Variants in KLF17 observed in about 807,000 individuals in gnomAD.
The protein encoded by KLF17 is KLF transcription factor 17.
Under a neutral mutation model 34.2 loss-of-function variants are expected in KLF17, and 31 were observed. The observed-to-expected ratio is 0.91, with a 90% CI of 0.68 to 1.22. The LOEUF (loss-of-function observed/expected upper bound fraction) is 1.22. Ranked by LOEUF, KLF17 falls within the 50% of genes most tolerant of loss-of-function variation. The probability of loss-of-function intolerance (pLI) is 0.00; values close to 1 mark genes in which losing one functional copy is unlikely to be tolerated. For missense variants in KLF17, 478 were observed against 505.2 expected, an observed-to-expected ratio of 0.95 and a Z score of 0.52; for synonymous variants, 179 against 186.7, an observed-to-expected ratio of 0.96 and a Z score of 0.34.
the KLF17 span, among the ~76,000 whole-genome samples, chr1:44,086,527 A>G: frequency 1.3e-5 from 2 of 152,232 alleles, no homozygotes; most frequent in Admixed American, 6.5e-5. Flanking sequence ...AAAGCAGAGA[A>G]ACAGTACAAT....
the KLF17 span, among the ~76,000 whole-genome samples, chr1:44,080,377 T>A: frequency 6.6e-6 from 1 of 151,826 alleles, no homozygotes; most frequent in African/African-American, 2.4e-5. Context: ...TAGCTGGGAC[T>A]GCAGGCGCCC....
rs779440513 is a variant in KLF17, at chr1:44,130,160, C to T, written c.889C>T (p.Arg297Cys). 25 of 1,613,620 alleles carry T rather than the reference C, an allele frequency of 1.5e-5. No homozygotes were observed. The highest frequency in any genetic ancestry group is 3.3e-5 in the South Asian group (3 of 91,066). ...GAACTGCGGAAAAGCTTATACCAAA[C>T]GCTCCCACCTCGTGAGCCACCAGCG... ...YENCGKAYTK[R>C]SHLVSHQRKH... Residue 297 changes from arginine (R) to cysteine (C), a missense_variant, in exon 2 of 4, where the codon CGC becomes TGC. Physicochemically the swap from Arg to Cys is radical, Grantham distance 180. Coordinates refer to ENST00000372299, the MANE Select transcript of KLF17 (RefSeq NM_173484.4).
chr1:44,073,735 C>G, the KLF17 span, among the ~76,000 whole-genome samples: 1 of 152,224 alleles, frequency 6.6e-6, no homozygotes, highest in East Asian at 1.9e-4. Context: ...CTTCCTAAGG[C>G]ACCTGCCTGG....
In KLF17 at chr1:44,134,632, G is replaced by T. The variant is rs372576254; in HGVS notation, c.*1395G>T. 2.6e-5 allele frequency: 4 copies of T among 152,214 alleles called. No homozygotes were observed. Among genetic ancestry groups the T allele is most frequent in the African/African-American group, 9.7e-5 (4 of 41,434 alleles). The allele number at this position is 152,214 out of a possible 1,614,324, so 9.4% of individuals were successfully genotyped here. ...CTTGAGAAATTTACTTGTCACTCTTGCTTCTGATAGTAAAGGGGATGGTGC... is the reference window on the plus strand; with the variant it reads ...CTTGAGAAATTTACTTGTCACTCTTTCTTCTGATAGTAAAGGGGATGGTGC... On this transcript the variant is annotated 3_prime_UTR_variant, in exon 4 of 4. Coordinates refer to ENST00000372299, the MANE Select transcript of KLF17 (RefSeq NM_173484.4).
chr1:44,122,614 A>G, intron 1 of KLF17: 1 of 667,848 alleles, frequency 1.5e-6, no homozygotes, highest in Non-Finnish European at 2.7e-6. Flanking sequence ...TTTTTTTTTG[A>G]GATAGAGTCT....
At chr1:44,083,109 TA>T in the KLF17 span, among the ~76,000 whole-genome samples, 13 of 151,196 alleles carry the variant, frequency 8.6e-5, no homozygotes, top group African/African-American at 2.9e-4. Flanking sequence ...CCCAGCTAAT[TA>T]AAAAAAAATT....
At chr1:44,102,653 C>T in the KLF17 span, among the ~76,000 whole-genome samples, 605 of 141,396 alleles carry the variant, frequency 4.3e-3, 15 homozygotes, top group Non-Finnish European at 6.5e-3. Flanking sequence ...AGTCATAACA[C>T]GAACACCAGG....
the KLF17 span, chr1:44,106,888 A>G: frequency 6.6e-6 from 1 of 152,220 alleles, no homozygotes; most frequent in Non-Finnish European, 1.5e-5. Flanking sequence ...TTAGAGAAGA[A>G]AAAAGGTGTG....
chr1:44,103,972 C>T, the KLF17 span: 16 of 857,988 alleles, frequency 1.9e-5, no homozygotes, highest in Non-Finnish European at 3.0e-5. Context: ...TTGGCGATCT[C>T]GTACTGCGCC....
the KLF17 span, among the ~76,000 whole-genome samples, chr1:44,087,724 TTATATATATATATATA>T: frequency 0.037 from 2,797 of 75,384 alleles, 62 homozygotes; most frequent in Middle Eastern, 0.076. Context: ...CCTATATATT[TTATATATATATATATA>T]TATATATATA....
the KLF17 span, among the ~76,000 whole-genome samples, chr1:44,088,687 G>A: frequency 1.3e-5 from 2 of 152,266 alleles, no homozygotes; most frequent in South Asian, 4.1e-4. Flanking sequence ...TCACATTGGG[G>A]GTTAGGGTTT....
the KLF17 span, among the ~76,000 whole-genome samples, chr1:44,091,897 G>C: frequency 7.5e-6 from 1 of 132,898 alleles, no homozygotes; most frequent in African/African-American, 2.8e-5. Context: ...GGGGGTGAGA[G>C]AGAAAAACTC....
the KLF17 span, among the ~76,000 whole-genome samples, chr1:44,091,497 A>C: frequency 2.0e-5 from 3 of 151,906 alleles, no homozygotes; most frequent in Non-Finnish European, 4.4e-5. Context: ...TTCTACTAAA[A>C]ACATGAGAAT....
At chr1:44,075,148 C>T in the KLF17 span, among the ~76,000 whole-genome samples, 24 of 150,424 alleles carry the variant, frequency 1.6e-4, no homozygotes, top group Admixed American at 1.1e-3. Context: ...CACACATACA[C>T]GTATACATTA....
chr1:44,102,559 TACACATACAC>T, the KLF17 span, among the ~76,000 whole-genome samples: 831 of 87,682 alleles, frequency 9.5e-3, 19 homozygotes, highest in African/African-American at 0.037. Flanking sequence ...ATCACACACA[TACACATACAC>T]ACACACACAC....
the KLF17 span, among the ~76,000 whole-genome samples, chr1:44,099,630 A>G: frequency 2.6e-5 from 4 of 151,512 alleles, no homozygotes. Context: ...CCTGGCCAAC[A>G]TGGTTAAACC....
chr1:44,074,252 G>A, the KLF17 span, among the ~76,000 whole-genome samples: 19 of 151,184 alleles, frequency 1.3e-4, no homozygotes, highest in Middle Eastern at 6.8e-3. Context: ...TCTTCATCTC[G>A]TTTATGTTTT....
At chr1:44,082,932 C>A in the KLF17 span, among the ~76,000 whole-genome samples, 2 of 141,746 alleles carry the variant, frequency 1.4e-5, no homozygotes, top group Non-Finnish European at 3.0e-5. Flanking sequence ...CTCACTGTGT[C>A]TTTAAACTTT....
chr1:44,061,801 C>T, the KLF17 span, among the ~76,000 whole-genome samples: 6 of 152,066 alleles, frequency 3.9e-5, no homozygotes, highest in South Asian at 1.0e-3. Flanking sequence ...GCCTGTAATC[C>T]CAGCTACTTG....
Sources: allele counts gnomAD v4.1 joint callset (sites outside exome capture counted in the v4.1 genomes callset), GRCh38; gene constraint gnomAD v4.1.1; transcripts MANE v1.5; gene names NCBI Gene and HGNC (gene_info 2026-07-23, HGNC 2026-07-21).